NKAIN3: variants seen among roughly 807,000 people sequenced by gnomAD.
NKAIN3 encodes the protein sodium/potassium transporting ATPase interacting 3, also known as sodium/potassium-transporting ATPase subunit beta-1-interacting protein 3.
In NKAIN3, 25 loss-of-function variants were observed where a neutral mutation model predicts 30.2. The ratio of observed to expected loss-of-function variants is 0.83; its 90% CI spans 0.60 to 1.16. NKAIN3 has a LOEUF of 1.16. NKAIN3 is among the 50% of genes most tolerant of loss of function. The pLI is 0.00. For synonymous variants in NKAIN3, 91 were observed against 89.6 expected (o/e 1.02, Z -0.09); for missense variants, 225 against 254.1 (o/e 0.89, Z 0.78).
chr8:62,907,477 G>A (rs1379548566), intron 4 of NKAIN3, among the ~76,000 whole-genome samples: 1 of 152,134 alleles, frequency 6.6e-6, no homozygotes, highest in Non-Finnish European at 1.5e-5. Flanking sequence ...GAACAATGGG[G>A]AAAATATCTC....
At chr8:62,287,991 C>G (rs911533354) in intron 1 of NKAIN3, among the ~76,000 whole-genome samples, 1 of 152,152 alleles carries the variant, frequency 6.6e-6, no homozygotes, top group Non-Finnish European at 1.5e-5. Context: ...ACCTCTTTCT[C>G]TTCTTTCTAC....
At position 62,984,091 on chromosome 8, in the gene NKAIN3, T is replaced by C. The variant is rs1824149370; in HGVS notation, c.*18684T>C. The C allele has an allele frequency of 6.6e-6, 1 of 152,206 alleles. No homozygotes were observed. Among genetic ancestry groups the C allele is most frequent in the South Asian group, 2.1e-4 (1 of 4,832 alleles). The allele number at this position is 152,206 out of a possible 1,614,324, so 9.4% of individuals were successfully genotyped here. A position where few individuals can be genotyped will look rare whatever the true frequency, so the allele number is the denominator to read the frequency against. On this transcript the variant is annotated 3_prime_UTR_variant, in exon 7 of 7. Transcript: ENST00000623646. ...TTCATTATTGTTTCTAAAAACTAGA[T>C]ATTATTGCTTTATTATTATGTTGAT...
intron 3 of NKAIN3, among the ~76,000 whole-genome samples, chr8:62,689,578 A>G (rs942895858): frequency 5.9e-5 from 9 of 152,144 alleles, no homozygotes; most frequent in Admixed American, 6.5e-5. Flanking sequence ...TTAAAACCTC[A>G]GTAGATGATG....
intron 1 of NKAIN3, among the ~76,000 whole-genome samples, chr8:62,428,185 A>G (rs1804875301): frequency 6.6e-6 from 1 of 151,912 alleles, no homozygotes; most frequent in South Asian, 2.1e-4. Context: ...AATCTTTTTT[A>G]CAGCTGAATG....
At chr8:62,612,306 C>A (rs149086215) in intron 3 of NKAIN3, among the ~76,000 whole-genome samples, 1 of 151,844 alleles carries the variant, frequency 6.6e-6, no homozygotes, top group East Asian at 1.9e-4. Context: ...ACATTGGGTG[C>A]GTATATATTT....
intron 5 of NKAIN3, among the ~76,000 whole-genome samples, chr8:62,938,072 C>G (rs1822841199): frequency 1.3e-5 from 2 of 152,118 alleles, no homozygotes; most frequent in African/African-American, 4.8e-5. Context: ...AGGCTGAGCT[C>G]AGACACGCCT....
chr8:62,917,227 C>G (rs750627654), intron 4 of NKAIN3, among the ~76,000 whole-genome samples: 2 of 152,170 alleles, frequency 1.3e-5, no homozygotes, highest in Non-Finnish European at 2.9e-5. Flanking sequence ...TAGACACAGC[C>G]TCTTGCCTTC....
At chr8:62,320,663 C>T (rs1431027806) in intron 1 of NKAIN3, among the ~76,000 whole-genome samples, 1 of 152,204 alleles carries the variant, frequency 6.6e-6, no homozygotes, top group Admixed American at 6.5e-5. Flanking sequence ...TATTGGCCCC[C>T]ACTCTCTTCT....
Position 62,967,881 on chromosome 8 carries a change from C to T in NKAIN3, c.*2474C>T, listed in dbSNP as rs1235448345. On this transcript the variant is annotated 3_prime_UTR_variant, in exon 7 of 7. Transcript: ENST00000623646. ...TATTTTATCTTCACGTGAATTTGTACATAGTTCTAGTAGGCACTGCAGAGT... is the reference window on the plus strand; with the variant it reads ...TATTTTATCTTCACGTGAATTTGTATATAGTTCTAGTAGGCACTGCAGAGT... Among the ~76,000 whole-genome samples the T allele has an allele frequency of 6.6e-6, 1 of 152,102 alleles. No homozygotes were observed. Among genetic ancestry groups the T allele is most frequent in the African/African-American group, 2.4e-5 (1 of 41,428 alleles).
At chr8:62,929,410 C>T (rs1400427300) in intron 5 of NKAIN3, among the ~76,000 whole-genome samples, 1 of 152,180 alleles carries the variant, frequency 6.6e-6, no homozygotes, top group Non-Finnish European at 1.5e-5. Context: ...TATTTGCCTC[C>T]TTTTCTATTT....
intron 1 of NKAIN3, among the ~76,000 whole-genome samples, chr8:62,287,165 C>T (rs771294937): frequency 2.0e-5 from 3 of 151,144 alleles, no homozygotes; most frequent in Non-Finnish European, 4.4e-5. Context: ...TTACAGTAGC[C>T]CTTTGGCTCA....
chr8:62,761,225 T>A (rs1338521457), intron 4 of NKAIN3, among the ~76,000 whole-genome samples: 1 of 151,982 alleles, frequency 6.6e-6, no homozygotes, highest in Non-Finnish European at 1.5e-5. Flanking sequence ...AAAAGTCAGG[T>A]GGAGGAAGGA....
chr8:62,780,074 A>C (rs1212121745), intron 4 of NKAIN3, among the ~76,000 whole-genome samples: 1 of 152,106 alleles, frequency 6.6e-6, no homozygotes, highest in African/African-American at 2.4e-5. Context: ...AACAAGAGGG[A>C]AGACCCAAAT....
chr8:62,872,721 G>A (rs572721983), intron 4 of NKAIN3, among the ~76,000 whole-genome samples: 1 of 152,154 alleles, frequency 6.6e-6, no homozygotes, highest in South Asian at 2.1e-4. Flanking sequence ...AGTCAAGAGA[G>A]AGTGAAAAGA....
intron 4 of NKAIN3, among the ~76,000 whole-genome samples, chr8:62,804,450 C>T (rs1461074555): frequency 5.3e-5 from 8 of 152,206 alleles, no homozygotes; most frequent in South Asian, 2.1e-4. Flanking sequence ...AGTTTATCCA[C>T]CACGATCAAG....
intron 1 of NKAIN3, among the ~76,000 whole-genome samples, chr8:62,354,158 G>A (rs186551400): frequency 2.4e-4 from 37 of 152,256 alleles, no homozygotes; most frequent in Admixed American, 2.2e-3. Flanking sequence ...ACAACGTTGT[G>A]ATTAAACAAT....
intron 1 of NKAIN3, among the ~76,000 whole-genome samples, chr8:62,407,765 C>T (rs1296367177): frequency 6.6e-6 from 1 of 152,150 alleles, no homozygotes; most frequent in African/African-American, 2.4e-5. Context: ...AATGTTTAGG[C>T]TCATGCCTGT....
At chr8:62,266,239 A>G (rs1423538821) in intron 1 of NKAIN3, among the ~76,000 whole-genome samples, 2 of 152,204 alleles carry the variant, frequency 1.3e-5, no homozygotes, top group Non-Finnish European at 2.9e-5. Context: ...TGTTTTATAA[A>G]ACACTGGAGT....
chr8:62,795,673 A>G (rs984881353), intron 4 of NKAIN3, among the ~76,000 whole-genome samples: 6 of 152,246 alleles, frequency 3.9e-5, no homozygotes, highest in Non-Finnish European at 8.8e-5. Context: ...AAATTTAATT[A>G]GATAACATAG....
Sources: gnomAD v4.1 joint callset for allele counts (sites outside exome capture counted in the v4.1 genomes callset) on GRCh38, gnomAD v4.1.1 for gene constraint, MANE v1.5 for transcripts, NCBI Gene and HGNC (gene_info 2026-07-23, HGNC 2026-07-21) for gene names.